The following MAGI3 variants were observed in gnomAD, a reference collection of about 807,000 sequenced individuals.
MAGI3 encodes membrane-associated guanylate kinase, WW and PDZ domain-containing protein 3.
MAGI3 carries 43 observed loss-of-function variants against 121.8 expected under a neutral mutation model. The observed-to-expected ratio is 0.35, with a 90% CI of 0.28 to 0.46. The LOEUF (loss-of-function observed/expected upper bound fraction) is 0.46. Ranked by LOEUF, MAGI3 falls within the 20% of genes least tolerant of loss-of-function variation. The pLI, the probability that MAGI3 is intolerant of heterozygous loss-of-function variation, is 1.00. For synonymous variants in MAGI3, 553 were observed against 639.3 expected (o/e 0.86, Z 2.04); for missense variants, 1,547 against 1,797.3 (o/e 0.86, Z 2.52).
chr1:113,510,355 C>CTTT (rs34379798), intron 1 of MAGI3, among the ~76,000 whole-genome samples: 5 of 133,396 alleles, frequency 3.7e-5, no homozygotes, highest in Admixed American at 1.5e-4. Context: ...TAGGCCTTGA[C>CTTT]TTTTTTTTTT....
intron 1 of MAGI3, chr1:113,449,603 A>T: frequency 4.7e-6 from 3 of 643,566 alleles, no homozygotes; most frequent in South Asian, 1.8e-5. Flanking sequence ...TTTTCCCAAT[A>T]GATTGAGTTT....
intron 10 of MAGI3, 101 bp downstream of exon 10, chr1:113,642,617 A>G (rs1391482801): frequency 1.6e-6 from 2 of 1,280,762 alleles, no homozygotes; most frequent in Non-Finnish European, 2.2e-6. Flanking sequence ...CAGCAGACTT[A>G]ACTAGTAATT....
chr1:113,655,855 T>C (rs1474437350), intron 15 of MAGI3, among the ~76,000 whole-genome samples: 3 of 152,250 alleles, frequency 2.0e-5, no homozygotes, highest in Non-Finnish European at 2.9e-5. Context: ...AGCCAAGGCC[T>C]TCAGTAAATG....
At chr1:113,450,718 T>C (rs1456915596) in intron 1 of MAGI3, 2 of 1,116,576 alleles carry the variant, frequency 1.8e-6, no homozygotes, top group East Asian at 2.3e-5. Flanking sequence ...GTGGATATGG[T>C]AGCAGAAGGT....
At chr1:113,613,190 C>T (rs1356369462) in intron 6 of MAGI3, among the ~76,000 whole-genome samples, 2 of 152,068 alleles carry the variant, frequency 1.3e-5, no homozygotes, top group East Asian at 3.8e-4. Flanking sequence ...AACTAAAGTA[C>T]ATCTCAGTTC....
chr1:113,623,095 T>C (rs1650941575), intron 9 of MAGI3, 101 bp downstream of exon 9: 1 of 802,142 alleles, frequency 1.2e-6, no homozygotes, highest in Admixed American at 4.1e-5. Context: ...AATTAAATTA[T>C]ATAACTAAAG....
intron 16 of MAGI3, among the ~76,000 whole-genome samples, chr1:113,670,851 G>T (rs1274454133): frequency 6.6e-6 from 1 of 152,210 alleles, no homozygotes; most frequent in African/African-American, 2.4e-5. Flanking sequence ...AGTAAATGAT[G>T]CAATCAGGCT....
intron 6 of MAGI3, among the ~76,000 whole-genome samples, chr1:113,597,922 C>T (rs1433892779): frequency 6.6e-6 from 1 of 152,122 alleles, no homozygotes; most frequent in East Asian, 1.9e-4. Context: ...AAGCATGCAA[C>T]TTACAGGACT....
At chr1:113,543,669 A>G (rs992133900) in intron 1 of MAGI3, among the ~76,000 whole-genome samples, 1 of 152,078 alleles carries the variant, frequency 6.6e-6, no homozygotes, top group African/African-American at 2.4e-5. Flanking sequence ...GGAGTTTGAC[A>G]CCAGTCTGGG....
chr1:113,420,418 A>G (rs1652679411), intron 1 of MAGI3, among the ~76,000 whole-genome samples: 1 of 152,234 alleles, frequency 6.6e-6, no homozygotes, highest in African/African-American at 2.4e-5. Context: ...GAAAGACTGA[A>G]AACAAGGGCT....
At chr1:113,442,937 A>G (rs1241709536) in intron 1 of MAGI3, among the ~76,000 whole-genome samples, 2 of 152,246 alleles carry the variant, frequency 1.3e-5, no homozygotes, top group South Asian at 2.1e-4. Flanking sequence ...CCCTCAGTTT[A>G]TATTAGCTGG....
chr1:113,638,479 G>C (rs556400699), intron 9 of MAGI3, among the ~76,000 whole-genome samples: 3 of 152,346 alleles, frequency 2.0e-5, no homozygotes, highest in African/African-American at 7.2e-5. Context: ...GTCTGTTGGA[G>C]TTTGCTAGAG....
At chr1:113,402,155 C>T (rs1237599449) in intron 1 of MAGI3, among the ~76,000 whole-genome samples, 1 of 151,796 alleles carries the variant, frequency 6.6e-6, no homozygotes, top group Admixed American at 6.6e-5. Flanking sequence ...AGAAAATTGG[C>T]GAAAAAAGGA....
chr1:113,662,452 A>T (rs1339470364), intron 16 of MAGI3, among the ~76,000 whole-genome samples: 1 of 152,238 alleles, frequency 6.6e-6, no homozygotes, highest in African/African-American at 2.4e-5. Flanking sequence ...CTTAAATTAT[A>T]TAATTTTTCA....
intron 4 of MAGI3, among the ~76,000 whole-genome samples, chr1:113,590,018 T>G (rs1482636229): frequency 6.6e-6 from 1 of 152,124 alleles, no homozygotes; most frequent in Non-Finnish European, 1.5e-5. Flanking sequence ...CTTTGCTGTT[T>G]ATTGGCAGTG....
intron 1 of MAGI3, among the ~76,000 whole-genome samples, chr1:113,440,744 A>G (rs1467171338): frequency 6.6e-6 from 1 of 152,166 alleles, no homozygotes; most frequent in Admixed American, 6.5e-5. Context: ...TGATGATGCT[A>G]TGTGATGACA....
chr1:113,391,328 C>A lies in MAGI3; in HGVS notation c.295C>A (p.Arg99Ser). 6.3e-7 allele frequency: 1 copy of A among 1,597,546 alleles called. No homozygotes were observed. The change falls in exon 1 of 21, where the codon CGT becomes AGT. Residue 99 changes from arginine (R) to serine (S), a missense_variant. Physicochemically the swap from Arg to Ser is moderately radical, Grantham distance 110. Transcript: ENST00000307546. This position sits in a 1 kb window ranked among gnomAD's most constrained non-coding sequence, Gnocchi z 4.4. Reference protein sequence around the residue: ...AVIRHFREPIRLKTVKPGKVI... With the variant: ...AVIRHFREPISLKTVKPGKVI... ...CATCCGCCACTTCCGCGAGCCCATC[C>A]GTCTCAAGACTGTGAAACCAGGTAC...
intron 1 of MAGI3, among the ~76,000 whole-genome samples, chr1:113,481,025 G>A (rs1265780561): frequency 6.6e-6 from 1 of 152,198 alleles, no homozygotes; most frequent in East Asian, 1.9e-4. Flanking sequence ...GAATTGGAAA[G>A]CCTACAGATT....
intron 2 of MAGI3, among the ~76,000 whole-genome samples, chr1:113,568,302 C>G (rs1247490629): frequency 6.6e-6 from 1 of 152,016 alleles, no homozygotes; most frequent in Non-Finnish European, 1.5e-5. Context: ...AAATTAACCT[C>G]TAATGAAACG....
Sources: gnomAD v4.1 joint callset for allele counts (sites outside exome capture counted in the v4.1 genomes callset) on GRCh38, gnomAD v4.1.1 for gene constraint, Gnocchi (gnomAD v3.1) non-coding constraint, MANE v1.5 for transcripts, NCBI Gene and HGNC (gene_info 2026-07-23, HGNC 2026-07-21) for gene names.